The following NRG3 variants were observed in gnomAD, a reference collection of about 807,000 sequenced individuals.
NRG3 encodes neuregulin 3.
A neutral mutation model predicts 66.9 loss-of-function variants in NRG3; 31 were observed. The ratio of observed to expected loss-of-function variants is 0.46; its 90% CI spans 0.35 to 0.63. The LOEUF is 0.63. NRG3 is among the 20% of genes least tolerant of loss of function. The probability of loss-of-function intolerance (pLI) is 0.00; values close to 1 mark genes in which losing one functional copy is unlikely to be tolerated. For missense variants in NRG3, 910 were observed against 878.9 expected, an observed-to-expected ratio of 1.04 and a Z score of -0.45; for synonymous variants, 393 against 359.4, an observed-to-expected ratio of 1.09 and a Z score of -1.06.
intron 1 of NRG3, among the ~76,000 whole-genome samples, chr10:81,950,135 T>A (rs1200951815): frequency 6.6e-6 from 1 of 152,188 alleles, no homozygotes; most frequent in Non-Finnish European, 1.5e-5. Flanking sequence ...CTATTCCAAA[T>A]GTTCTCATCT....
At position 82,017,197 on chromosome 10, in the gene NRG3, T is replaced by A. The variant is rs190227993; in HGVS notation, c.823+141034T>A. On this transcript the variant is annotated intron_variant, in intron 1 of 8. Coordinates refer to ENST00000372141, the MANE Select transcript of NRG3 (RefSeq NM_001010848.4). ...AGAACACGTGGTGTTCGGTTTTTTGTCCTTGGGATAGTTTGCTGAGAATGA... is the reference window on the plus strand; with the variant it reads ...AGAACACGTGGTGTTCGGTTTTTTGACCTTGGGATAGTTTGCTGAGAATGA... Among the ~76,000 whole-genome samples, 277 of 152,304 alleles carry A rather than the reference T, an allele frequency of 1.8e-3. 1 individual carries two copies. Among genetic ancestry groups the A allele is most frequent in the Non-Finnish European group, 2.4e-3 (166 of 68,032 alleles).
intron 1 of NRG3, among the ~76,000 whole-genome samples, chr10:82,281,371 G>T (rs1051874565): frequency 1.3e-5 from 2 of 152,068 alleles, no homozygotes; most frequent in African/African-American, 4.8e-5. Context: ...AGAACAACAG[G>T]ATATCCTCTT....
intron 2 of NRG3, among the ~76,000 whole-genome samples, chr10:82,548,670 A>C (rs1341225899): frequency 1.3e-5 from 2 of 152,070 alleles, no homozygotes; most frequent in Non-Finnish European, 2.9e-5. Flanking sequence ...CCAGTGAAAC[A>C]GGCAAGTGGA....
In NRG3 at chr10:82,300,759, GTT is replaced by G. The variant is rs1350601344; in HGVS notation, c.824-57979_824-57978del. Among the ~76,000 whole-genome samples, 3 of 151,998 alleles carry G rather than the reference GTT, an allele frequency of 2.0e-5. No homozygotes were observed. The East Asian group carries it at 5.8e-4, about 29-fold the overall frequency. Reference sequence around the variant, plus strand: ...TTCCCAGTAGGTAGATTATGAAATGGTTGAATTTCACATCAAACCCATTGGAA... The same window carrying G: ...TTCCCAGTAGGTAGATTATGAAATGGGAATTTCACATCAAACCCATTGGAA... On this transcript the variant is annotated intron_variant, in intron 1 of 8. Coordinates refer to ENST00000372141, the MANE Select transcript of NRG3 (RefSeq NM_001010848.4).
chr10:82,817,524 T>C (rs1392410495), intron 3 of NRG3, among the ~76,000 whole-genome samples: 1 of 152,222 alleles, frequency 6.6e-6, no homozygotes, highest in Non-Finnish European at 1.5e-5. Context: ...TTTGTTTGCT[T>C]CTCTTACCTC....
At chr10:82,112,276 C>G (rs567335390) in intron 1 of NRG3, among the ~76,000 whole-genome samples, 3 of 152,138 alleles carry the variant, frequency 2.0e-5, no homozygotes, top group Non-Finnish European at 4.4e-5. Flanking sequence ...AAACACCTTG[C>G]CTACCCTTTC....
intron 1 of NRG3, among the ~76,000 whole-genome samples, chr10:82,055,860 A>G (rs1046974714): frequency 1.3e-5 from 2 of 152,192 alleles, no homozygotes; most frequent in Non-Finnish European, 2.9e-5. Context: ...GTAATGGTTC[A>G]GATTAAGGAG....
chr10:82,317,005 C>G (rs1412187778), intron 1 of NRG3, among the ~76,000 whole-genome samples: 1 of 152,120 alleles, frequency 6.6e-6, no homozygotes, highest in Non-Finnish European at 1.5e-5. Flanking sequence ...ATTAGCTTAC[C>G]TTTCCAATCA....
At chr10:82,415,761 G>A (rs1238892862) in intron 2 of NRG3, among the ~76,000 whole-genome samples, 4 of 152,122 alleles carry the variant, frequency 2.6e-5, no homozygotes, top group Non-Finnish European at 5.9e-5. Context: ...TTGGTAGGAC[G>A]TGAAAGAACC....
At chr10:82,282,944 T>G (rs2079207832) in intron 1 of NRG3, among the ~76,000 whole-genome samples, 1 of 152,148 alleles carries the variant, frequency 6.6e-6, no homozygotes, top group African/African-American at 2.4e-5. Context: ...CCCCGGTGTT[T>G]ACTAACAGTG....
intron 1 of NRG3, among the ~76,000 whole-genome samples, chr10:82,336,910 C>A (rs1189152651): frequency 2.0e-5 from 3 of 152,114 alleles, no homozygotes; most frequent in Admixed American, 2.0e-4. Context: ...GACCAATTTT[C>A]TCAATAATAT....
chr10:82,706,594 T>C (rs1355201568), intron 2 of NRG3, among the ~76,000 whole-genome samples: 8 of 152,338 alleles, frequency 5.3e-5, no homozygotes, highest in Admixed American at 3.9e-4. Context: ...AAAACTTATT[T>C]GTTAAACAAC....
chr10:82,563,687 A>G (rs2045205982), intron 2 of NRG3, among the ~76,000 whole-genome samples: 1 of 152,062 alleles, frequency 6.6e-6, no homozygotes, highest in Non-Finnish European at 1.5e-5. Flanking sequence ...TTTGTGTGCT[A>G]TAAACAAATC....
intron 6 of NRG3, among the ~76,000 whole-genome samples, chr10:82,966,532 T>C: frequency 6.6e-6 from 1 of 152,180 alleles, no homozygotes; most frequent in East Asian, 1.9e-4. Flanking sequence ...TCTGAGGTAA[T>C]ATTTGCCAAG....
At chr10:82,435,954 C>T (rs1452291156) in intron 2 of NRG3, among the ~76,000 whole-genome samples, 2 of 151,794 alleles carry the variant, frequency 1.3e-5, no homozygotes, top group African/African-American at 4.8e-5. Flanking sequence ...GTTTTACTTC[C>T]AATTATGTGG....
chr10:82,185,899 C>T (rs1055738789), intron 1 of NRG3, among the ~76,000 whole-genome samples: 2 of 152,124 alleles, frequency 1.3e-5, no homozygotes, highest in Admixed American at 1.3e-4. Context: ...GTATATCACC[C>T]ACTATTATCA....
intron 1 of NRG3, among the ~76,000 whole-genome samples, chr10:82,228,063 A>G (rs1429881454): frequency 6.6e-6 from 1 of 152,194 alleles, no homozygotes; most frequent in Non-Finnish European, 1.5e-5. Flanking sequence ...TATTCAGATG[A>G]GAATATCAAC....
In NRG3 at chr10:82,737,021, A is replaced by G. The variant is rs536575576; in HGVS notation, c.954-1556A>G. The stretch of plus-strand genomic sequence containing the variant: ...ACATTAGGGCAGCTTTCAGAAAACA[A>G]GAATTTATTTTTTTATGACAAATAT... On this transcript the variant is annotated intron_variant, in intron 2 of 8. Transcript: ENST00000372141. 4.0e-4 allele frequency among the ~76,000 whole-genome samples: 20 copies of G among 50,028 alleles called. No individual in the cohort carries two copies. The East Asian group carries it at 0.011, about 28-fold the overall frequency. 32.8% of individuals were successfully genotyped at this position (50,028 alleles called of 152,430 possible). A position where few individuals can be genotyped will look rare whatever the true frequency, so the allele number is the denominator to read the frequency against.
In NRG3 at chr10:82,824,440, G is replaced by A. The variant is rs528645368; in HGVS notation, c.1028-40971G>A. On this transcript the variant is annotated intron_variant, in intron 3 of 8. Transcript: ENST00000372141. ...TTTATGTTAAACATATTGAAGAACAGTCAAATTGTTTTCTGAAGGGGTTAC... is the reference window on the plus strand; with the variant it reads ...TTTATGTTAAACATATTGAAGAACAATCAAATTGTTTTCTGAAGGGGTTAC... Among the ~76,000 whole-genome samples the A allele has an allele frequency of 1.4e-4, 21 of 152,310 alleles. No individual in the cohort carries two copies. The South Asian group carries it at 3.9e-3, about 29-fold the overall frequency.
Sources: gnomAD v4.1 joint callset for allele counts (sites outside exome capture counted in the v4.1 genomes callset) on GRCh38, gnomAD v4.1.1 for gene constraint, MANE v1.5 for transcripts, NCBI Gene and HGNC (gene_info 2026-07-23, HGNC 2026-07-21) for gene names.